Variants in SPTBN4 observed in about 807,000 individuals in gnomAD.
SPTBN4 encodes spectrin beta, non-erythrocytic 4, also known as spectrin beta chain, non-erythrocytic 4.
A neutral mutation model predicts 277.8 loss-of-function variants in SPTBN4; 96 were observed. That is an observed-to-expected ratio of 0.35 (90% CI 0.29 to 0.41). The LOEUF is 0.41. Ranked by LOEUF, SPTBN4 falls within the 10% of genes least tolerant of loss-of-function variation. The pLI is 1.00. For synonymous variants in SPTBN4, 1,481 were observed against 1,580.3 expected (o/e 0.94, Z 1.49); for missense variants, 3,006 against 3,595.7 (o/e 0.84, Z 4.19).
intron 20 of SPTBN4, among the ~76,000 whole-genome samples, chr19:40,536,565 C>T (rs886613814): frequency 1.3e-5 from 2 of 152,156 alleles, no homozygotes; most frequent in South Asian, 4.1e-4. Flanking sequence ...TCTGGGTCTC[C>T]AGGACCCCCC....
chr19:40,570,554 G>C lies in SPTBN4; in HGVS notation c.7145G>C (p.Arg2382Pro). 7.4e-7 allele frequency: 1 copy of C among 1,355,684 alleles called. No homozygotes were observed. Among genetic ancestry groups the C allele is most frequent in the Non-Finnish European group, 9.5e-7 (1 of 1,057,814 alleles). 84.0% of individuals were successfully genotyped at this position (1,355,684 alleles called of 1,614,324 possible). A position where few individuals can be genotyped will look rare whatever the true frequency, so the allele number is the denominator to read the frequency against. ...GCGCGGGACCGGCCCAAGCCGCGAC[G>C]GCGGCCGCGGCCCAGAGAGGGTGGT... ...PRARDRPKPRRRPRPREGGEG... is the reference protein window; with the variant it reads ...PRARDRPKPRPRPRPREGGEG... The change falls in exon 33 of 36, where the codon CGG becomes CCG. Residue 2382 changes from arginine (R) to proline (P), a missense_variant. Around this residue, in one of 5 missense-constraint regions of SPTBN4, gnomAD observed 630 missense variants for 677.6 expected, o/e 0.93. Transcript: ENST00000598249.
At position 40,490,145 on chromosome 19, in the gene SPTBN4, A is replaced by G; in HGVS notation, c.392A>G (p.Lys131Arg). 3.1e-6 allele frequency: 5 copies of G among 1,614,164 alleles called. No individual in the cohort carries two copies. Among genetic ancestry groups the G allele is most frequent in the Non-Finnish European group, 2.5e-6 (3 of 1,180,012 alleles). The change falls in exon 4 of 36, where the codon AAG becomes AGG. Residue 131 changes from lysine to arginine, a missense_variant. By Grantham distance (26) the Lys-to-Arg change is conservative (BLOSUM62 2). Coordinates refer to ENST00000598249, the MANE Select transcript of SPTBN4 (RefSeq NM_020971.3). This position sits in a 1 kb window ranked among gnomAD's most constrained non-coding sequence, Gnocchi z 4.3. ...ENVDKALQFL[K>R]EQRVHLENVG... ...GTGGACAAGGCGCTGCAGTTTCTGAAGGAGCAGCGCGTGCACCTGGAGAAC... is the reference window on the plus strand; with the variant it reads ...GTGGACAAGGCGCTGCAGTTTCTGAGGGAGCAGCGCGTGCACCTGGAGAAC...
At chr19:40,494,776 A>C in intron 5 of SPTBN4, 121 bp from the exon 6 acceptor site, 1 of 799,480 alleles carries the variant, frequency 1.3e-6, no homozygotes. Context: ...CCATCTTTCT[A>C]TGTTCTACCC....
intron 20 of SPTBN4, among the ~76,000 whole-genome samples, chr19:40,548,936 A>G (rs761776370): frequency 1.3e-5 from 2 of 152,210 alleles, no homozygotes; most frequent in Non-Finnish European, 2.9e-5. Flanking sequence ...GTAATACTCC[A>G]GCTGAAATCT....
intron 26 of SPTBN4, 56 bp downstream of exon 26, chr19:40,557,459 C>A: frequency 6.7e-7 from 1 of 1,487,218 alleles, no homozygotes; most frequent in Admixed American, 2.4e-5. Flanking sequence ...CTGTGGGCAG[C>A]AGAGTGGGCA....
intron 2 of SPTBN4, among the ~76,000 whole-genome samples, chr19:40,480,298 T>C (rs1555809542): frequency 1.3e-5 from 2 of 150,986 alleles, no homozygotes; most frequent in Non-Finnish European, 2.9e-5. Context: ...CATGAGCCTG[T>C]AGTCCTAGCT....
intron 30 of SPTBN4, chr19:40,566,920 G>A (rs906018325): frequency 1.2e-5 from 3 of 245,614 alleles, no homozygotes; most frequent in East Asian, 2.3e-4. Flanking sequence ...AGCCAAGATC[G>A]TGCCACTGCC....
Position 40,523,556 on chromosome 19 carries a change from C to T in SPTBN4, c.3774C>T (p.Ala1258=), listed in dbSNP as rs778518885. The T allele has an allele frequency of 2.5e-5, 40 of 1,614,038 alleles. No homozygotes were observed. The highest frequency in any genetic ancestry group is 1.3e-4 in the South Asian group (12 of 91,092). Residue 1258 remains alanine (A), a synonymous_variant, in exon 17 of 36, where the codon GCC becomes GCT. Transcript: ENST00000598249. ...TGAGCCAGCAAAAGATGCAGGTGGC[C>T]GTGCAGGCTGCAGAGGGCCTGCTGA... The part of the protein sequence containing the change: ...MELSQQKMQV[A]VQAAEGLLRQ...
intron 19 of SPTBN4, among the ~76,000 whole-genome samples, chr19:40,533,039 T>C (rs1248896510): frequency 6.6e-6 from 1 of 152,200 alleles, no homozygotes; most frequent in Non-Finnish European, 1.5e-5. Flanking sequence ...CACTTCTTAA[T>C]ATAACCTCCT....
chr19:40,569,673 G>A lies in SPTBN4; in HGVS notation c.6973G>A (p.Asp2325Asn). The change falls in exon 32 of 36, where the codon GAC becomes AAC. Residue 2325 changes from aspartate (D) to asparagine (N), a missense_variant. Physicochemically the swap from Asp to Asn is conservative, Grantham distance 23. Transcript: ENST00000598249. ...ATCCCCCAGGAAGGCCACCCTGGCT[G>A]ACATTGTGGAACAGCTGCAGGAGAA... ...DLVKGKATLA[D>N]IVEQLQEKEA... is the part of the protein sequence containing the mutation. The A allele has an allele frequency of 1.2e-6, 2 of 1,612,920 alleles. No homozygotes were observed. Among genetic ancestry groups the A allele is most frequent in the Non-Finnish European group, 1.7e-6 (2 of 1,179,556 alleles).
At position 40,490,340 on chromosome 19, in the gene SPTBN4, A is replaced by G. The variant is rs1337893636; in HGVS notation, c.495+92A>G. ...ACCCATTCATTCTTTCCTTCCAATA[A>G]TATCCTAATATGCTGGAATCCTATT... On this transcript the variant is annotated intron_variant, in intron 4 of 35. Transcript: ENST00000598249. This position sits in a 1 kb window ranked among gnomAD's most constrained non-coding sequence, Gnocchi z 4.3. The G allele has an allele frequency of 1.8e-5, 26 of 1,408,112 alleles. No homozygotes were observed. The highest frequency in any genetic ancestry group is 2.4e-5 in the Non-Finnish European group (25 of 1,044,584). 87.2% of individuals were successfully genotyped at this position (1,408,112 alleles called of 1,614,324 possible).
rs147069124 is a variant in SPTBN4 at position 40,506,238 on chromosome 19, T to C, written c.1668T>C (p.Ala556=). 9.3e-6 allele frequency: 15 copies of C among 1,610,554 alleles called. No individual in the cohort carries two copies. The highest frequency in any genetic ancestry group is 1.3e-5 in the African/African-American group (1 of 74,900). Residue 556 remains alanine, a splice_region_variant and synonymous_variant, in exon 13 of 36, where the codon GCT becomes GCC. Coordinates refer to ENST00000598249, the MANE Select transcript of SPTBN4 (RefSeq NM_020971.3). ...YMVDWMEEMQ[A]QLLSRECGQH... is the part of the protein sequence containing the mutation. Reference sequence around the variant, plus strand: ...CTCAGTGCTGTCCCCGCTTGTAGGCTCAGCTGCTGTCCCGGGAGTGTGGGC... The same window carrying C: ...CTCAGTGCTGTCCCCGCTTGTAGGCCCAGCTGCTGTCCCGGGAGTGTGGGC...
At chr19:40,493,105 C>A (rs1349166596) in intron 5 of SPTBN4, 51 bp downstream of exon 5, 1 of 1,561,624 alleles carries the variant, frequency 6.4e-7, no homozygotes, top group Non-Finnish European at 8.8e-7. Flanking sequence ...GGTCCCCTAA[C>A]CTCTGCAATT....
chr19:40,530,641 A>G, intron 18 of SPTBN4: 16 of 912,276 alleles, frequency 1.8e-5, no homozygotes, highest in Non-Finnish European at 2.1e-5. Context: ...GCGGACGCAG[A>G]CAGGGGAGGG....
rs2080504045 is a variant in SPTBN4 at position 40,519,817 on chromosome 19, C to A, written c.3320C>A (p.Ala1107Asp). Residue 1107 changes from alanine (A) to aspartate (D), a missense_variant, in exon 16 of 36, where the codon GCC becomes GAC. Around this residue, in one of 5 missense-constraint regions of SPTBN4, gnomAD observed 1,759 missense variants for 2,061.5 expected, o/e 0.85. Coordinates refer to ENST00000598249, the MANE Select transcript of SPTBN4 (RefSeq NM_020971.3). The surrounding 1 kb of genome is among the most constrained non-coding windows in gnomAD (Gnocchi z 5.7). ...GCTTTCCTGGACTGGCTCGTGCGCG[C>A]CCAGGAGGCGGCGGGCGGCAGCGAG... ...LDAFLDWLVR[A>D]QEAAGGSEGP... The A allele has an allele frequency of 7.0e-7, 1 of 1,434,764 alleles. No individual in the cohort carries two copies. Among genetic ancestry groups the A allele is most frequent in the Non-Finnish European group, 9.0e-7 (1 of 1,107,108 alleles). 88.9% of individuals were successfully genotyped at this position (1,434,764 alleles called of 1,614,324 possible).
chr19:40,479,721 A>G (rs1183884794), intron 2 of SPTBN4, among the ~76,000 whole-genome samples: 1 of 136,166 alleles, frequency 7.3e-6, no homozygotes, highest in African/African-American at 3.0e-5. Context: ...TTTATTATTA[A>G]AGTAGTTCAT....
At chr19:40,522,947 C>CA (rs1286023652) in intron 16 of SPTBN4, among the ~76,000 whole-genome samples, 1 of 152,010 alleles carries the variant, frequency 6.6e-6, no homozygotes, top group Non-Finnish European at 1.5e-5. Context: ...GCCTGGCCAA[C>CA]ATGGTGAAAC....
At position 40,523,602 on chromosome 19, in the gene SPTBN4, G is replaced by T. The variant is rs1555818396; in HGVS notation, c.3820G>T (p.Glu1274Ter). 1 of 1,613,946 alleles carries T rather than the reference G, an allele frequency of 6.2e-7. No homozygotes were observed. ...GLLRQGNIYGEQAQEAVTRLL... is the reference protein window; with the variant it reads ...GLLRQGNIYG ...GCTGAGGCAGGGCAACATCTACGGG[G>T]AGCAGGCTCAGGAGGCTGTGACCCG... The change falls in exon 17 of 36, where the codon GAG becomes TAG. Residue 1274 changes from glutamate to a stop codon, truncating the protein, a stop_gained. Coordinates refer to ENST00000598249, the MANE Select transcript of SPTBN4 (RefSeq NM_020971.3). LOFTEE classifies it high-confidence loss of function.
At chr19:40,497,761 C>G (rs1458769402) in intron 7 of SPTBN4, among the ~76,000 whole-genome samples, 157 bp downstream of exon 7, 4 of 151,942 alleles carry the variant, frequency 2.6e-5, no homozygotes, top group Non-Finnish European at 5.9e-5. Context: ...TCCTCAGCCT[C>G]CTCCCCTTGT....
Sources: gnomAD v4.1 joint callset for allele counts (sites outside exome capture counted in the v4.1 genomes callset) on GRCh38, gnomAD v4.1.1 for gene constraint, gnomAD v4.1.1 regional missense constraint, Gnocchi (gnomAD v3.1) non-coding constraint, MANE v1.5 for transcripts, NCBI Gene and HGNC (gene_info 2026-07-23, HGNC 2026-07-21) for gene names.